Variants in RIMS2 observed in about 807,000 individuals in gnomAD.
The protein encoded by RIMS2 is regulating synaptic membrane exocytosis protein 2.
A neutral mutation model predicts 174.4 loss-of-function variants in RIMS2; 59 were observed. The observed-to-expected ratio is 0.34, with a 90% CI of 0.27 to 0.42. The LOEUF (loss-of-function observed/expected upper bound fraction) is 0.42, where lower values mean the gene tolerates loss of function less well. Among genes scored for constraint, RIMS2 ranks in the 10% least tolerant of loss-of-function variants. The pLI, the probability that RIMS2 is intolerant of heterozygous loss-of-function variation, is 1.00. For missense variants in RIMS2, 1,620 were observed against 1,666.3 expected (o/e 0.97, Z 0.48); for synonymous variants, 606 against 572.5 (o/e 1.06, Z -0.84).
intron 1 of RIMS2, among the ~76,000 whole-genome samples, chr8:103,693,762 G>C (rs907262449): frequency 6.6e-5 from 10 of 152,152 alleles, no homozygotes; most frequent in African/African-American, 2.2e-4. Flanking sequence ...GTTAGTCTTT[G>C]ATCCTGGAGC....
At chr8:103,873,102 G>A (rs2099120209) in intron 3 of RIMS2, among the ~76,000 whole-genome samples, 3 of 152,066 alleles carry the variant, frequency 2.0e-5, no homozygotes, top group Non-Finnish European at 4.4e-5. Flanking sequence ...AAAATGTTTT[G>A]GTAGATAGGA....
intron 13 of RIMS2, among the ~76,000 whole-genome samples, chr8:103,940,336 A>G (rs189219216): frequency 2.6e-5 from 4 of 152,240 alleles, no homozygotes; most frequent in Non-Finnish European, 4.4e-5. Context: ...CTATAAAACA[A>G]TCAGATCTTG....
chr8:103,999,109 T>A (rs1051610192), intron 17 of RIMS2, among the ~76,000 whole-genome samples: 6 of 151,916 alleles, frequency 3.9e-5, no homozygotes, highest in Middle Eastern at 3.4e-3. Context: ...TTAGGAATTA[T>A]GTGCCATGGT....
intron 3 of RIMS2, among the ~76,000 whole-genome samples, chr8:103,867,551 G>C (rs551115860): frequency 6.6e-6 from 1 of 151,826 alleles, no homozygotes; most frequent in African/African-American, 2.4e-5. Flanking sequence ...TTGATTAATA[G>C]TTAAGGTAAA....
At chr8:104,126,073 C>T (rs1229863294) in intron 19 of RIMS2, among the ~76,000 whole-genome samples, 1 of 152,104 alleles carries the variant, frequency 6.6e-6, no homozygotes, top group East Asian at 1.9e-4. Flanking sequence ...TGGACTAGAT[C>T]AGTGATTCCC....
chr8:103,835,103 C>CTTT (rs528538789), intron 3 of RIMS2, among the ~76,000 whole-genome samples: 11 of 130,786 alleles, frequency 8.4e-5, no homozygotes, highest in Admixed American at 3.1e-4. Flanking sequence ...CTTTTCTTTT[C>CTTT]TTTTTTTTTT....
intron 2 of RIMS2, among the ~76,000 whole-genome samples, chr8:103,751,221 T>C (rs2097886361): frequency 6.6e-6 from 1 of 152,224 alleles, no homozygotes; most frequent in African/African-American, 2.4e-5. Flanking sequence ...CTTGCGATAG[T>C]TTACTGAGAA....
intron 3 of RIMS2, among the ~76,000 whole-genome samples, chr8:103,789,652 G>A (rs930524412): frequency 1.3e-5 from 2 of 151,224 alleles, no homozygotes; most frequent in African/African-American, 4.9e-5. Flanking sequence ...ACTTCAGATT[G>A]CAAATACTTT....
chr8:103,635,766 A>G (rs1239382770), intron 1 of RIMS2, among the ~76,000 whole-genome samples: 1 of 151,406 alleles, frequency 6.6e-6, no homozygotes, highest in African/African-American at 2.4e-5. Flanking sequence ...CTGGGGTTCC[A>G]CCTCAGCCCC....
chr8:103,688,451 A>G (rs111438334), intron 1 of RIMS2, among the ~76,000 whole-genome samples: 161 of 152,206 alleles, frequency 1.1e-3, no homozygotes, highest in African/African-American at 3.7e-3. Flanking sequence ...AAGGAATCCA[A>G]CTTGATCATG....
intron 3 of RIMS2, among the ~76,000 whole-genome samples, chr8:103,854,830 C>T (rs978545963): frequency 6.6e-6 from 1 of 151,612 alleles, no homozygotes; most frequent in African/African-American, 2.4e-5. Context: ...GTTTTCTTTT[C>T]TCGTGGTATA....
intron 19 of RIMS2, among the ~76,000 whole-genome samples, chr8:104,235,553 A>T (rs933480824): frequency 2.0e-5 from 3 of 151,874 alleles, no homozygotes; most frequent in Admixed American, 1.3e-4. Context: ...TTTTATTTTG[A>T]AATATTTTAA....
At chr8:103,672,020 T>C (rs1250164642) in intron 1 of RIMS2, among the ~76,000 whole-genome samples, 1 of 152,130 alleles carries the variant, frequency 6.6e-6, no homozygotes, top group Non-Finnish European at 1.5e-5. Context: ...GGGAAACATA[T>C]CAAATATGTC....
intron 19 of RIMS2, among the ~76,000 whole-genome samples, chr8:104,045,515 T>A (rs2096678058): frequency 6.6e-6 from 1 of 151,844 alleles, no homozygotes; most frequent in Non-Finnish European, 1.5e-5. Flanking sequence ...TGAAACAACA[T>A]CTTAAGTTTC....
At chr8:104,122,952 G>A (rs966095753) in intron 19 of RIMS2, among the ~76,000 whole-genome samples, 1 of 151,984 alleles carries the variant, frequency 6.6e-6, no homozygotes, top group Non-Finnish European at 1.5e-5. Context: ...TTATTGTATT[G>A]CTGAATAAAG....
rs181062565 is a variant in RIMS2 at position 103,896,417 on chromosome 8, A to G, written c.1624+10194A>G. Among the ~76,000 whole-genome samples the G allele has an allele frequency of 1.3e-4, 20 of 151,734 alleles. 1 individual carries two copies. The highest frequency in any genetic ancestry group is 4.6e-4 in the African/African-American group (19 of 41,142). Reference sequence around the variant, plus strand: ...GGAAGCAACGCTAGGTAAGAAGGTAACATATATCTGTTGTTATTATCTGAA... The same window carrying G: ...GGAAGCAACGCTAGGTAAGAAGGTAGCATATATCTGTTGTTATTATCTGAA... On this transcript the variant is annotated intron_variant, in intron 4 of 23. Coordinates refer to ENST00000504942, the Ensembl canonical transcript of RIMS2.
intron 2 of RIMS2, among the ~76,000 whole-genome samples, chr8:103,751,516 C>T (rs1393699146): frequency 1.3e-5 from 2 of 151,688 alleles, no homozygotes; most frequent in African/African-American, 2.4e-5. Flanking sequence ...CCTGAGGAAT[C>T]ACCACACTGA....
intron 2 of RIMS2, among the ~76,000 whole-genome samples, chr8:103,743,065 A>G (rs1478192705): frequency 6.6e-6 from 1 of 152,160 alleles, no homozygotes; most frequent in African/African-American, 2.4e-5. Context: ...CTCTTCCAAA[A>G]TTTGTTTAGC....
At chr8:104,006,230 C>T (rs1013352957) in intron 17 of RIMS2, among the ~76,000 whole-genome samples, 16 of 151,862 alleles carry the variant, frequency 1.1e-4, no homozygotes, top group East Asian at 1.9e-4. Context: ...TTTATTTCTC[C>T]GCAAATTACT....
Sources: allele counts gnomAD v4.1 joint callset (sites outside exome capture counted in the v4.1 genomes callset), GRCh38; gene constraint gnomAD v4.1.1; transcripts MANE v1.5; gene names NCBI Gene and HGNC (gene_info 2026-07-23, HGNC 2026-07-21).